The following IGF2BP2 variants were observed in gnomAD, a reference collection of about 807,000 sequenced individuals.
IGF2BP2 encodes insulin-like growth factor 2 mRNA-binding protein 2.
A neutral mutation model predicts 75.8 loss-of-function variants in IGF2BP2; 17 were observed. The observed-to-expected ratio is 0.22, with a 90% confidence interval of 0.15 to 0.34. The LOEUF (loss-of-function observed/expected upper bound fraction) is 0.34, where lower values mean the gene tolerates loss of function less well. IGF2BP2 is among the 10% of genes least tolerant of loss of function. The pLI, the probability that IGF2BP2 is intolerant of heterozygous loss-of-function variation, is 1.00. For missense variants in IGF2BP2, 516 were observed against 772.4 expected (o/e 0.67, Z 3.93); for synonymous variants, 288 against 295.6 (o/e 0.97, Z 0.26).
chr3:185,740,940 C>T (rs1366658662), intron 2 of IGF2BP2, among the ~76,000 whole-genome samples: 2 of 152,192 alleles, frequency 1.3e-5, no homozygotes, highest in African/African-American at 4.8e-5. Flanking sequence ...TGCGGTGGCG[C>T]GATCTCGGCT....
intron 2 of IGF2BP2, among the ~76,000 whole-genome samples, chr3:185,707,147 C>T (rs907973769): frequency 2.0e-5 from 3 of 151,676 alleles, no homozygotes; most frequent in African/African-American, 7.3e-5. Context: ...ATTGCTTGAA[C>T]CCAGGAGGTG....
chr3:185,650,083 T>C (rs1714323291), intron 13 of IGF2BP2, among the ~76,000 whole-genome samples: 1 of 150,874 alleles, frequency 6.6e-6, no homozygotes, highest in Non-Finnish European at 1.5e-5. Flanking sequence ...GCTCATGTTT[T>C]CATTCTTTTT....
chr3:185,814,610 G>A (rs1275614480), intron 2 of IGF2BP2, among the ~76,000 whole-genome samples: 1 of 152,132 alleles, frequency 6.6e-6, no homozygotes, highest in Non-Finnish European at 1.5e-5. Flanking sequence ...AGCTCTATTA[G>A]AGGTTCTTGA....
At chr3:185,742,123 A>T (rs1024482381) in intron 2 of IGF2BP2, among the ~76,000 whole-genome samples, 11 of 151,604 alleles carry the variant, frequency 7.3e-5, no homozygotes, top group East Asian at 1.9e-4. Context: ...TAAATGATAA[A>T]TTTTTTTAAA....
At chr3:185,681,287 C>G (rs765858281) in intron 7 of IGF2BP2, among the ~76,000 whole-genome samples, 2 of 152,070 alleles carry the variant, frequency 1.3e-5, no homozygotes, top group Non-Finnish European at 2.9e-5. Context: ...TTTCTATACA[C>G]AACAATAAAC....
At position 185,727,001 on chromosome 3, in the gene IGF2BP2, C is replaced by T. The variant is rs193078852; in HGVS notation, c.240-28654G>A. ...TGGGAGGCCAAGGCGGGTGGATCACCGGAGGTCAGGAGTTTGAAACCAGCC... is the reference window on the plus strand; with the variant it reads ...TGGGAGGCCAAGGCGGGTGGATCACTGGAGGTCAGGAGTTTGAAACCAGCC... On this transcript the variant is annotated intron_variant, in intron 2 of 15. Coordinates refer to ENST00000382199, the MANE Select transcript of IGF2BP2 (RefSeq NM_006548.6). Among the ~76,000 whole-genome samples, 188 of 152,086 alleles carry T rather than the reference C, an allele frequency of 1.2e-3. 1 individual carries two copies. The highest frequency in any genetic ancestry group is 4.3e-3 in the African/African-American group (177 of 41,488).
chr3:185,658,419 G>A lies in IGF2BP2; in HGVS notation c.1201-10C>T, dbSNP rs1715822979. Reference sequence around the variant, plus strand: ...AGTATCCGGAGTGGGTCTGCAGCATGAGAGAAAGAGTCAGTGGGCGGGTGC... The same window carrying A: ...AGTATCCGGAGTGGGTCTGCAGCATAAGAGAAAGAGTCAGTGGGCGGGTGC... On this transcript the variant is annotated splice_polypyrimidine_tract_variant and intron_variant, in intron 10 of 15. Transcript: ENST00000382199. 1.2e-6 allele frequency: 2 copies of A among 1,612,386 alleles called. No homozygotes were observed. Among genetic ancestry groups the A allele is most frequent in the African/African-American group, 1.3e-5 (1 of 74,908 alleles).
chr3:185,680,167 T>C (rs1577943973), intron 7 of IGF2BP2, among the ~76,000 whole-genome samples: 1 of 152,248 alleles, frequency 6.6e-6, no homozygotes, highest in East Asian at 1.9e-4. Context: ...AAGAGAATAT[T>C]ATGAAGAATT....
At chr3:185,750,576 G>C (rs1730832816) in intron 2 of IGF2BP2, among the ~76,000 whole-genome samples, 1 of 152,026 alleles carries the variant, frequency 6.6e-6, no homozygotes, top group South Asian at 2.1e-4. Flanking sequence ...TCTCTACGTA[G>C]ATCACTTGTA....
At chr3:185,716,938 C>A in intron 2 of IGF2BP2, 1 of 419,498 alleles carries the variant, frequency 2.4e-6, no homozygotes, top group East Asian at 6.0e-5. Context: ...AGCCAGACTC[C>A]GCCTTCTGTG....
At chr3:185,709,779 T>G (rs1042382726) in intron 2 of IGF2BP2, among the ~76,000 whole-genome samples, 3 of 152,128 alleles carry the variant, frequency 2.0e-5, no homozygotes, top group African/African-American at 7.2e-5. Flanking sequence ...TCCATGTAAA[T>G]CAAAGAGTAT....
chr3:185,700,877 G>A (rs1385709445), intron 2 of IGF2BP2, among the ~76,000 whole-genome samples: 1 of 152,006 alleles, frequency 6.6e-6, no homozygotes, highest in Non-Finnish European at 1.5e-5. Context: ...TCTTAAAAAT[G>A]AAGTTGACAA....
chr3:185,719,584 A>T (rs1477797912), intron 2 of IGF2BP2, among the ~76,000 whole-genome samples: 1 of 152,228 alleles, frequency 6.6e-6, no homozygotes, highest in Non-Finnish European at 1.5e-5. Flanking sequence ...CCGTAATCCC[A>T]GCACTTTGGG....
chr3:185,662,699 C>T (rs1051725163), intron 10 of IGF2BP2, among the ~76,000 whole-genome samples: 2 of 151,798 alleles, frequency 1.3e-5, no homozygotes, highest in Non-Finnish European at 2.9e-5. Context: ...CCCACCACCA[C>T]GCATAGCTAA....
chr3:185,677,291 G>A (rs1167023640), intron 7 of IGF2BP2, among the ~76,000 whole-genome samples: 1 of 151,760 alleles, frequency 6.6e-6, no homozygotes, highest in East Asian at 1.9e-4. Flanking sequence ...AGAAAAACTG[G>A]TTTTTGTGTC....
At position 185,645,366 on chromosome 3, in the gene IGF2BP2, G is replaced by A. The variant is rs1207549819; in HGVS notation, c.*165C>T. ...CCTTCCCCGCCCCTCCTCGGCCCCT[G>A]GGGTTCTCAGGGCCTCGGCAGAGTC... is the stretch of plus-strand genomic sequence containing the variant. On this transcript the variant is annotated 3_prime_UTR_variant, in exon 16 of 16. Transcript: ENST00000382199. The surrounding 1 kb of genome is among the most constrained non-coding windows in gnomAD (Gnocchi z 4.9). 1.5e-5 allele frequency: 9 copies of A among 601,890 alleles called. No individual in the cohort carries two copies. Among genetic ancestry groups the A allele is most frequent in the Non-Finnish European group, 2.4e-5 (8 of 335,448 alleles). The allele number at this position is 601,890 out of a possible 1,614,324, so 37.3% of individuals were successfully genotyped here.
At chr3:185,755,234 G>A (rs116308071) in intron 2 of IGF2BP2, among the ~76,000 whole-genome samples, 1,553 of 152,286 alleles carry the variant, frequency 0.01, 29 homozygotes, top group African/African-American at 0.035. Flanking sequence ...CATCTCCACT[G>A]CTCCAGCTCC....
chr3:185,691,589 G>C (rs1560302957), intron 5 of IGF2BP2, among the ~76,000 whole-genome samples: 1 of 152,068 alleles, frequency 6.6e-6, no homozygotes, highest in Non-Finnish European at 1.5e-5. Flanking sequence ...GCACTTTAAG[G>C]ACCTCCTACA....
intron 10 of IGF2BP2, among the ~76,000 whole-genome samples, chr3:185,671,917 G>C (rs951977105): frequency 5.3e-5 from 8 of 152,166 alleles, no homozygotes; most frequent in Non-Finnish European, 7.3e-5. Flanking sequence ...CCCCCAATTT[G>C]GTAATGTACT....
Sources: allele counts gnomAD v4.1 joint callset (sites outside exome capture counted in the v4.1 genomes callset), GRCh38; gene constraint gnomAD v4.1.1; non-coding constraint Gnocchi (gnomAD v3.1); transcripts MANE v1.5; gene names NCBI Gene and HGNC (gene_info 2026-07-23, HGNC 2026-07-21).